ESF1: variants seen among roughly 807,000 people sequenced by gnomAD.
ESF1 encodes ESF1 homolog.
In ESF1, 58 loss-of-function variants were observed where a neutral mutation model predicts 92.0. The ratio of observed to expected loss-of-function variants is 0.63; its 90% CI spans 0.51 to 0.78. The LOEUF (loss-of-function observed/expected upper bound fraction) is 0.78. ESF1 is among the 30% of genes least tolerant of loss of function. ESF1 has a pLI of 0.00. For missense variants in ESF1, 922 were observed against 989.1 expected, an observed-to-expected ratio of 0.93 and a Z score of 0.91; for synonymous variants, 321 against 313.7, an observed-to-expected ratio of 1.02 and a Z score of -0.24.
intron 8 of ESF1, among the ~76,000 whole-genome samples, chr20:13,762,579 T>G (rs907269826): frequency 6.6e-6 from 1 of 152,156 alleles, no homozygotes; most frequent in Non-Finnish European, 1.5e-5. Context: ...GTAGCTCTGT[T>G]TTTTCCCAAT....
chr20:13,759,410 T>C (rs1231186609), intron 9 of ESF1, among the ~76,000 whole-genome samples: 1 of 152,202 alleles, frequency 6.6e-6, no homozygotes, highest in African/African-American at 2.4e-5. Context: ...TTAGAACACG[T>C]GGTGCCTGGA....
At chr20:13,739,319 T>G (rs1338664534) in intron 9 of ESF1, among the ~76,000 whole-genome samples, 1 of 152,230 alleles carries the variant, frequency 6.6e-6, no homozygotes, top group African/African-American at 2.4e-5. Flanking sequence ...TGTCTTCCAC[T>G]TACAATCATA....
chr20:13,757,544 G>A (rs535669630), intron 9 of ESF1, among the ~76,000 whole-genome samples: 10 of 152,208 alleles, frequency 6.6e-5, no homozygotes, highest in East Asian at 3.9e-4. Context: ...GACTACAGGC[G>A]TGTGCCACCA....
At chr20:13,747,148 C>T (rs1218318402) in intron 9 of ESF1, among the ~76,000 whole-genome samples, 3 of 151,972 alleles carry the variant, frequency 2.0e-5, no homozygotes, top group Non-Finnish European at 4.4e-5. Context: ...ACAGAGTAAT[C>T]CTTTAAGGTT....
intron 9 of ESF1, among the ~76,000 whole-genome samples, chr20:13,740,019 G>C (rs2050001028): frequency 6.6e-6 from 1 of 152,086 alleles, no homozygotes; most frequent in African/African-American, 2.4e-5. Context: ...CAGAAAGAGG[G>C]AAGTAAAAAT....
In ESF1 at chr20:13,771,409, G is replaced by A. The variant is rs1451996213; in HGVS notation, c.1325C>T (p.Ser442Phe). The change falls in exon 6 of 14, where the codon TCT becomes TTT. Residue 442 changes from serine to phenylalanine, a missense_variant. Ser to Phe is a radical substitution (Grantham distance 155). Coordinates refer to ENST00000617257, the MANE Select transcript of ESF1 (RefSeq NM_001276380.2). Reference sequence around the variant, plus strand: ...ATAAATTTTACTAGCTGTTTCCGGAGAATCACAGTCTACTACTGCATAATA... The same window carrying A: ...ATAAATTTTACTAGCTGTTTCCGGAAAATCACAGTCTACTACTGCATAATA... ...KYYYAVVDCD[S>F]PETASKIYED... The A allele has an allele frequency of 1.1e-5, 17 of 1,612,982 alleles. No homozygotes were observed. Among genetic ancestry groups the A allele is most frequent in the Non-Finnish European group, 1.3e-5 (15 of 1,179,296 alleles).
At chr20:13,722,566 C>G (rs2049874906) in intron 11 of ESF1, among the ~76,000 whole-genome samples, 1 of 152,162 alleles carries the variant, frequency 6.6e-6, no homozygotes, top group African/African-American at 2.4e-5. Flanking sequence ...AACCACATCT[C>G]TAGCTGGGTG....
rs752996682 is a variant in ESF1, at chr20:13,782,528, T to C, written c.613A>G (p.Lys205Glu). The C allele has an allele frequency of 6.4e-7, 1 of 1,552,804 alleles. No homozygotes were observed. The highest frequency in any genetic ancestry group is 1.3e-5 in the South Asian group (1 of 78,518). Residue 205 changes from lysine to glutamate, a missense_variant, in exon 2 of 14, where the codon AAG becomes GAG. Physicochemically the swap from Lys to Glu is moderately conservative, Grantham distance 56. Coordinates refer to ENST00000617257, the MANE Select transcript of ESF1 (RefSeq NM_001276380.2). The stretch of plus-strand genomic sequence containing the variant: ...CCTGATTGCATTTCTCTTCTTGTCT[T>C]AGAACACTCGATTCTGGGAGATTTC... ...IVKSPRIECSKTRREMQSVVQ... is the reference protein window; with the variant it reads ...IVKSPRIECSETRREMQSVVQ...
chr20:13,742,210 T>C (rs189406049), intron 9 of ESF1, among the ~76,000 whole-genome samples: 154 of 152,084 alleles, frequency 1.0e-3, no homozygotes, highest in African/African-American at 3.6e-3. Flanking sequence ...CTACTAAAAA[T>C]ACAAAAAATT....
intron 9 of ESF1, 56 bp downstream of exon 9, chr20:13,759,636 G>A (rs2297050): frequency 1.3e-6 from 2 of 1,541,530 alleles, no homozygotes; most frequent in South Asian, 2.5e-5. Context: ...ATATTTAAAA[G>A]GTACTCAACA....
At chr20:13,783,362 A>G (rs1430400670) in intron 1 of ESF1, among the ~76,000 whole-genome samples, 179 bp from the exon 2 acceptor site, 1 of 152,228 alleles carries the variant, frequency 6.6e-6, no homozygotes, top group Non-Finnish European at 1.5e-5. Context: ...AAAAAAGCAG[A>G]AACATACCAA....
At chr20:13,734,731 T>C (rs938263315) in intron 9 of ESF1, among the ~76,000 whole-genome samples, 2 of 149,754 alleles carry the variant, frequency 1.3e-5, no homozygotes, top group African/African-American at 4.9e-5. Context: ...GAGGACATAG[T>C]TGGGTGGATC....
chr20:13,765,677 A>G (rs1034837269), intron 8 of ESF1, among the ~76,000 whole-genome samples: 4 of 152,234 alleles, frequency 2.6e-5, no homozygotes, highest in African/African-American at 7.2e-5. Context: ...GAAGTAAACC[A>G]GCCCTCATGC....
At chr20:13,728,822 G>A (rs576501776) in intron 10 of ESF1, among the ~76,000 whole-genome samples, 4 of 151,644 alleles carry the variant, frequency 2.6e-5, no homozygotes, top group East Asian at 3.9e-4. Context: ...AGCCGAGATC[G>A]TGCCACTGCA....
intron 9 of ESF1, among the ~76,000 whole-genome samples, chr20:13,756,863 C>T (rs569508823): frequency 2.6e-5 from 4 of 152,156 alleles, no homozygotes; most frequent in Non-Finnish European, 5.9e-5. Flanking sequence ...AAAAACACAC[C>T]TCTGTTTTAA....
At chr20:13,720,357 T>C (rs2049859639) in intron 11 of ESF1, among the ~76,000 whole-genome samples, 1 of 152,078 alleles carries the variant, frequency 6.6e-6, no homozygotes, top group Non-Finnish European at 1.5e-5. Context: ...TGTACCACCC[T>C]CAGCAAGTCA....
At chr20:13,784,358 A>G (rs924752242) in intron 1 of ESF1, among the ~76,000 whole-genome samples, 5 of 146,870 alleles carry the variant, frequency 3.4e-5, no homozygotes, top group Non-Finnish European at 7.5e-5. Flanking sequence ...ACTAACTAGG[A>G]AAAAAAAGGA....
intron 9 of ESF1, among the ~76,000 whole-genome samples, chr20:13,745,273 G>C (rs1317501092): frequency 6.6e-6 from 1 of 152,008 alleles, no homozygotes; most frequent in African/African-American, 2.4e-5. Flanking sequence ...GTATCTTCGT[G>C]ATACATCCAA....
chr20:13,765,360 T>C (rs972927991), intron 8 of ESF1, among the ~76,000 whole-genome samples: 5 of 152,178 alleles, frequency 3.3e-5, no homozygotes, highest in Non-Finnish European at 7.3e-5. Context: ...TTTATAAAGC[T>C]TCAAAGAGGT....
Sources: gnomAD v4.1 joint callset for allele counts (sites outside exome capture counted in the v4.1 genomes callset) on GRCh38, gnomAD v4.1.1 for gene constraint, MANE v1.5 for transcripts, NCBI Gene and HGNC (gene_info 2026-07-23, HGNC 2026-07-21) for gene names.